SLC44A1: variants seen among roughly 807,000 people sequenced by gnomAD.
SLC44A1 encodes solute carrier family 44 member 1.
Under a neutral mutation model 79.3 loss-of-function variants are expected in SLC44A1, and 26 were observed. That is an observed-to-expected ratio of 0.33 (90% confidence interval 0.24 to 0.46). SLC44A1 has a LOEUF of 0.46. Among genes scored for constraint, SLC44A1 ranks in the 20% least tolerant of loss-of-function variants. The pLI, the probability that SLC44A1 is intolerant of heterozygous loss-of-function variation, is 1.00. For missense variants in SLC44A1, 688 were observed against 798.1 expected, an observed-to-expected ratio of 0.86 and a Z score of 1.66; for synonymous variants, 263 against 286.2, an observed-to-expected ratio of 0.92 and a Z score of 0.82.
chr9:105,303,633 G>T (rs1830938668), intron 2 of SLC44A1, among the ~76,000 whole-genome samples: 1 of 152,206 alleles, frequency 6.6e-6, no homozygotes, highest in Admixed American at 6.5e-5. Context: ...CAGAGGCATA[G>T]AGATAAGCTC....
intron 1 of SLC44A1, among the ~76,000 whole-genome samples, chr9:105,295,208 A>C (rs1830693673): frequency 6.6e-6 from 1 of 152,218 alleles, no homozygotes; most frequent in South Asian, 2.1e-4. Flanking sequence ...TAGGAATCAA[A>C]TGCGGTCATA....
At chr9:105,429,666 A>G (rs1050146558) in intron 15 of SLC44A1, among the ~76,000 whole-genome samples, 5 of 152,114 alleles carry the variant, frequency 3.3e-5, no homozygotes, top group African/African-American at 1.2e-4. Context: ...ATAAAGATGT[A>G]CCCTTGGAAA....
chr9:105,306,735 A>G (rs551021402), intron 2 of SLC44A1, among the ~76,000 whole-genome samples: 182 of 152,198 alleles, frequency 1.2e-3, no homozygotes, highest in African/African-American at 4.2e-3. Context: ...ATAAAGAAAA[A>G]AACCCACATG....
chr9:105,351,201 G>A (rs1412011096), intron 5 of SLC44A1, among the ~76,000 whole-genome samples: 2 of 152,298 alleles, frequency 1.3e-5, no homozygotes, highest in East Asian at 3.9e-4. Context: ...GTTACTAGGT[G>A]CTGGGGAATT....
chr9:105,276,371 A>C (rs930068154), intron 1 of SLC44A1, among the ~76,000 whole-genome samples: 51 of 152,312 alleles, frequency 3.3e-4, no homozygotes, highest in African/African-American at 1.1e-3. Flanking sequence ...AACCTGATTC[A>C]TTCATTCAGT....
chr9:105,299,195 T>G, intron 1 of SLC44A1, 25 bp from the exon 2 acceptor site: 1 of 1,538,514 alleles, frequency 6.5e-7, no homozygotes, highest in Non-Finnish European at 8.9e-7. Context: ...CATTTAACAC[T>G]CTCTTATTTT....
At chr9:105,275,997 G>A (rs560028370) in intron 1 of SLC44A1, among the ~76,000 whole-genome samples, 3 of 152,138 alleles carry the variant, frequency 2.0e-5, no homozygotes, top group East Asian at 1.9e-4. Context: ...TAGAGACGGG[G>A]TTTCACCATG....
Position 105,394,970 on chromosome 9 carries a change from AGGTAAGG to A in SLC44A1, c.*5916_*5922del. 2 of 985,350 alleles carry A rather than the reference AGGTAAGG, an allele frequency of 2.0e-6. No individual in the cohort carries two copies. Among genetic ancestry groups the A allele is most frequent in the African/African-American group, 3.5e-5 (2 of 57,338 alleles). The allele number at this position is 985,350 out of a possible 1,614,324, so 61.0% of individuals were successfully genotyped here. ...TTCTTCACATCTGCACCTTACTATT[AGGTAAGG>A]GTGCTGCATCTACATGGAAGGCTCC... On this transcript the variant is annotated 3_prime_UTR_variant, in exon 16 of 16. Transcript: ENST00000374720.
At chr9:105,245,324 G>T (rs1250670717) in intron 1 of SLC44A1, among the ~76,000 whole-genome samples, 6 of 152,190 alleles carry the variant, frequency 3.9e-5, no homozygotes. Flanking sequence ...TCCGCCGCCC[G>T]TTTTCTGTGC....
chr9:105,334,608 G>A (rs1826853914), intron 3 of SLC44A1, among the ~76,000 whole-genome samples: 2 of 152,142 alleles, frequency 1.3e-5, no homozygotes, highest in African/African-American at 4.8e-5. Flanking sequence ...TTCATTTTAG[G>A]TGGAAGCATT....
At chr9:105,349,440 GAT>G (rs1227567856) in intron 5 of SLC44A1, among the ~76,000 whole-genome samples, 1 of 152,146 alleles carries the variant, frequency 6.6e-6, no homozygotes, top group African/African-American at 2.4e-5. Context: ...GTAGAAAAAA[GAT>G]ATATCAGTTA....
chr9:105,295,507 C>T (rs1309209412), intron 1 of SLC44A1, among the ~76,000 whole-genome samples: 1 of 152,206 alleles, frequency 6.6e-6, no homozygotes, highest in African/African-American at 2.4e-5. Flanking sequence ...CCTGTTGCCA[C>T]TTGGTTAAAT....
chr9:105,394,068 C>T lies in SLC44A1; in HGVS notation c.*5012C>T. ...GACTATCTTTCCTTCAAATGCACAT[C>T]ACATGTCTGTGAACACTCAAAATGC... On this transcript the variant is annotated 3_prime_UTR_variant, in exon 16 of 16. Transcript: ENST00000374720. 2.0e-6 allele frequency: 2 copies of T among 985,232 alleles called. No homozygotes were observed. Among genetic ancestry groups the T allele is most frequent in the Non-Finnish European group, 2.4e-6 (2 of 829,764 alleles). 61.0% of individuals were successfully genotyped at this position (985,232 alleles called of 1,614,324 possible).
At chr9:105,374,883 T>C (rs1378961341) in intron 13 of SLC44A1, 148 bp downstream of exon 13, 3 of 617,860 alleles carry the variant, frequency 4.9e-6, no homozygotes, top group Non-Finnish European at 8.5e-6. Context: ...TCCAGCATTG[T>C]GATAAGTACT....
At chr9:105,271,657 A>T (rs1193327080) in intron 1 of SLC44A1, among the ~76,000 whole-genome samples, 1 of 152,094 alleles carries the variant, frequency 6.6e-6, no homozygotes, top group African/African-American at 2.4e-5. Flanking sequence ...TCTGTCACCC[A>T]GGCTGGAGTG....
rs1455089489 is a variant in SLC44A1 at position 105,394,827 on chromosome 9, G to A, written c.*5771G>A. Reference sequence around the variant, plus strand: ...TTTTCTTCCTGCATAAATCACGGAGGTGTGTTCTGTTTTAGTGTTTTCCAG... The same window carrying A: ...TTTTCTTCCTGCATAAATCACGGAGATGTGTTCTGTTTTAGTGTTTTCCAG... On this transcript the variant is annotated 3_prime_UTR_variant, in exon 16 of 16. Transcript: ENST00000374720. 2.0e-6 allele frequency: 2 copies of A among 985,316 alleles called. No homozygotes were observed. Among genetic ancestry groups the A allele is most frequent in the African/African-American group, 3.5e-5 (2 of 57,234 alleles). 61.0% of individuals were successfully genotyped at this position (985,316 alleles called of 1,614,324 possible). A position where few individuals can be genotyped will look rare whatever the true frequency, so the allele number is the denominator to read the frequency against.
At chr9:105,330,256 A>G (rs948804260) in intron 3 of SLC44A1, among the ~76,000 whole-genome samples, 4 of 152,200 alleles carry the variant, frequency 2.6e-5, no homozygotes, top group African/African-American at 9.7e-5. Context: ...GATTTAATCA[A>G]CTGACTTGCT....
chr9:105,351,572 G>GAGAGAAAGAGAGAAAC (rs1827417460), intron 5 of SLC44A1, among the ~76,000 whole-genome samples: 2 of 124,354 alleles, frequency 1.6e-5, no homozygotes, highest in Non-Finnish European at 3.3e-5. Context: ...AAGAGAGAAA[G>GAGAGAAAGAGAGAAAC]AGAGAAAGAG....
At chr9:105,300,825 GGAGT>G (rs1412495434) in intron 2 of SLC44A1, among the ~76,000 whole-genome samples, 4 of 150,006 alleles carry the variant, frequency 2.7e-5, no homozygotes, top group African/African-American at 9.9e-5. Flanking sequence ...TGCCCATGCT[GGAGT>G]GCATGGTGTG....
Sources: allele counts gnomAD v4.1 joint callset (sites outside exome capture counted in the v4.1 genomes callset), GRCh38; gene constraint gnomAD v4.1.1; transcripts MANE v1.5; gene names NCBI Gene and HGNC (gene_info 2026-07-23, HGNC 2026-07-21).